STARD13: variants seen among roughly 807,000 people sequenced by gnomAD.
STARD13 encodes StAR related lipid transfer domain containing 13.
A neutral mutation model predicts 106.4 loss-of-function variants in STARD13; 62 were observed. The observed-to-expected ratio is 0.58, with a 90% CI of 0.48 to 0.72. STARD13 has a LOEUF of 0.72. Ranked by LOEUF, STARD13 falls within the 30% of genes least tolerant of loss-of-function variation. The pLI is 0.00. For missense variants in STARD13, 1,387 were observed against 1,424.0 expected (o/e 0.97, Z 0.42); for synonymous variants, 565 against 553.0 (o/e 1.02, Z -0.31).
chr13:33,334,842 A>T (rs2077876225), intron 1 of STARD13, among the ~76,000 whole-genome samples: 1 of 152,110 alleles, frequency 6.6e-6, no homozygotes, highest in Non-Finnish European at 1.5e-5. Context: ...AAATAAATAC[A>T]CACACACTCC....
At chr13:33,356,341 G>C in the STARD13 span, among the ~76,000 whole-genome samples, 1 of 152,220 alleles carries the variant, frequency 6.6e-6, no homozygotes, top group Non-Finnish European at 1.5e-5. Context: ...ACATAGAGTA[G>C]TTTGAGACCT....
At chr13:33,421,378 C>T in the STARD13 span, among the ~76,000 whole-genome samples, 1 of 152,162 alleles carries the variant, frequency 6.6e-6, no homozygotes, top group African/African-American at 2.4e-5. Context: ...CACATCCACC[C>T]TCCCAAGACT....
At chr13:33,358,013 G>A in the STARD13 span, among the ~76,000 whole-genome samples, 4 of 152,234 alleles carry the variant, frequency 2.6e-5, no homozygotes, top group African/African-American at 7.2e-5. Flanking sequence ...GGCTGCGTGC[G>A]GCGCTTGCGG....
chr13:33,189,048 A>G (rs187955775), intron 1 of STARD13, among the ~76,000 whole-genome samples: 67 of 152,218 alleles, frequency 4.4e-4, no homozygotes, highest in Middle Eastern at 3.4e-3. Context: ...TGACTCTCAC[A>G]CTTTGTATTT....
the STARD13 span, among the ~76,000 whole-genome samples, chr13:33,670,654 C>T: frequency 6.6e-5 from 10 of 152,184 alleles, no homozygotes; most frequent in African/African-American, 2.2e-4. Flanking sequence ...CAGAAATTTA[C>T]TAAACGTGCA....
At chr13:33,163,221 A>G (rs1244376798) in intron 3 of STARD13, among the ~76,000 whole-genome samples, 1 of 152,084 alleles carries the variant, frequency 6.6e-6, no homozygotes, top group African/African-American at 2.4e-5. Context: ...CCCTCCCATA[A>G]CATGTGGGAA....
At chr13:33,540,116 T>C in the STARD13 span, among the ~76,000 whole-genome samples, 3 of 152,190 alleles carry the variant, frequency 2.0e-5, no homozygotes, top group Non-Finnish European at 4.4e-5. Context: ...CCCCCTTAGC[T>C]TCAGGGGAAA....
intron 1 of STARD13, among the ~76,000 whole-genome samples, chr13:33,202,237 A>T (rs183640050): frequency 1.2e-3 from 181 of 152,354 alleles, no homozygotes; most frequent in Admixed American, 2.9e-3. Context: ...TTCAGATAGG[A>T]CTAGTAGGTT....
the STARD13 span, among the ~76,000 whole-genome samples, chr13:33,650,222 ACT>A: frequency 1.0e-5 from 1 of 95,308 alleles, no homozygotes; most frequent in Non-Finnish European, 1.8e-5. Context: ...ACGGCATCTC[ACT>A]CTGTCACCCA....
At chr13:33,167,509 G>T in intron 2 of STARD13, 42 bp downstream of exon 2, 2 of 1,599,346 alleles carry the variant, frequency 1.3e-6, no homozygotes, top group Non-Finnish European at 8.6e-7. Context: ...GTTCATTTTG[G>T]ATTTATTCTC....
At chr13:33,176,407 C>G (rs1884525794) in intron 1 of STARD13, among the ~76,000 whole-genome samples, 1 of 152,140 alleles carries the variant, frequency 6.6e-6, no homozygotes, top group East Asian at 1.9e-4. Flanking sequence ...GAATGATTTT[C>G]TAAACATGCA....
chr13:33,114,175 T>C (rs1312749298), intron 8 of STARD13, among the ~76,000 whole-genome samples: 2 of 152,192 alleles, frequency 1.3e-5, no homozygotes, highest in African/African-American at 4.8e-5. Context: ...TAAACATAAA[T>C]ACACATTCAG....
intron 1 of STARD13, among the ~76,000 whole-genome samples, chr13:33,338,118 G>C (rs1235745995): frequency 6.6e-6 from 1 of 152,186 alleles, no homozygotes; most frequent in African/African-American, 2.4e-5. Flanking sequence ...TAAGTTGCTG[G>C]TATAAGTTGC....
Position 33,112,779 on chromosome 13 carries a change from C to T in STARD13, c.2434G>A (p.Val812Met), listed in dbSNP as rs1464206793. Residue 812 changes from valine to methionine, a missense_variant, in exon 9 of 14, where the codon GTG becomes ATG. Transcript: ENST00000336934. Reference sequence around the variant, plus strand: ...TGAAAGAGGGAGGGGGCCAGACACACTGCCAGGTTCATGGGCGTCATCTGA... The same window carrying T: ...TGAAAGAGGGAGGGGGCCAGACACATTGCCAGGTTCATGGGCGTCATCTGA... Reference protein sequence around the residue: ...ENQMTPMNLAVCLAPSLFHLN... With the variant: ...ENQMTPMNLAMCLAPSLFHLN... The T allele has an allele frequency of 2.5e-6, 4 of 1,613,602 alleles. No homozygotes were observed. The highest frequency in any genetic ancestry group is 3.4e-6 in the Non-Finnish European group (4 of 1,179,858).
the STARD13 span, among the ~76,000 whole-genome samples, chr13:33,602,374 A>G: frequency 6.6e-6 from 1 of 152,202 alleles, no homozygotes; most frequent in Non-Finnish European, 1.5e-5. Context: ...TGCAGGCGTG[A>G]GCCACCAAAA....
chr13:33,506,551 T>C, the STARD13 span, among the ~76,000 whole-genome samples: 2 of 152,198 alleles, frequency 1.3e-5, no homozygotes, highest in Non-Finnish European at 2.9e-5. Context: ...GTGATATTTT[T>C]GATGTCATAT....
intron 1 of STARD13, among the ~76,000 whole-genome samples, chr13:33,243,517 T>A (rs1042124647): frequency 3.9e-5 from 6 of 152,108 alleles, no homozygotes; most frequent in Admixed American, 1.3e-4. Context: ...ATCCTATGGG[T>A]CATAGGGATT....
the STARD13 span, among the ~76,000 whole-genome samples, chr13:33,589,743 T>C: frequency 6.6e-6 from 1 of 152,186 alleles, no homozygotes; most frequent in Non-Finnish European, 1.5e-5. Context: ...TTGGAATAAG[T>C]GCGATGTGGT....
the STARD13 span, among the ~76,000 whole-genome samples, chr13:33,472,863 T>A: frequency 2.6e-5 from 4 of 152,044 alleles, no homozygotes; most frequent in East Asian, 7.7e-4. Context: ...TGCGAAAATG[T>A]CTAGATTTTA....
Sources: allele counts gnomAD v4.1 joint callset (sites outside exome capture counted in the v4.1 genomes callset), GRCh38; gene constraint gnomAD v4.1.1; transcripts MANE v1.5; gene names NCBI Gene and HGNC (gene_info 2026-07-23, HGNC 2026-07-21).